CEMIP: variants seen among roughly 807,000 people sequenced by gnomAD.
CEMIP encodes cell migration inducing hyaluronidase 1, also known as cell migration-inducing and hyaluronan-binding protein.
A neutral mutation model predicts 156.9 loss-of-function variants in CEMIP; 105 were observed. That is an observed-to-expected ratio of 0.67 (90% CI 0.57 to 0.79). The LOEUF (loss-of-function observed/expected upper bound fraction) is 0.79, where lower values mean the gene tolerates loss of function less well. CEMIP is among the 30% of genes least tolerant of loss of function. CEMIP has a pLI of 0.00. For missense variants in CEMIP, 1,457 were observed against 1,769.4 expected, an observed-to-expected ratio of 0.82 and a Z score of 3.17; for synonymous variants, 676 against 668.4, an observed-to-expected ratio of 1.01 and a Z score of -0.17.
intron 1 of CEMIP, among the ~76,000 whole-genome samples, chr15:80,794,919 G>C (rs78783653): frequency 0.038 from 5,818 of 152,280 alleles, 381 homozygotes; most frequent in African/African-American, 0.13. Flanking sequence ...TGGGAGCAGG[G>C]AGAGAAAGCC....
Position 80,920,313 on chromosome 15 carries a change from C to G in CEMIP, c.2003+14C>G, listed in dbSNP as rs1212856076. 3 of 1,610,564 alleles carry G rather than the reference C, an allele frequency of 1.9e-6. No homozygotes were observed. Among genetic ancestry groups the G allele is most frequent in the East Asian group, 2.2e-5 (1 of 44,822 alleles). Reference sequence around the variant, plus strand: ...GCAAGACTGCAAGTAAGTGCCTGGACCCCTCTCTGTGTGCTGGGGGGAAGG... The same window carrying G: ...GCAAGACTGCAAGTAAGTGCCTGGAGCCCTCTCTGTGTGCTGGGGGGAAGG... On this transcript the variant is annotated intron_variant, in intron 15 of 29. Coordinates refer to ENST00000394685, the MANE Select transcript of CEMIP (RefSeq NM_001293298.2).
intron 1 of CEMIP, among the ~76,000 whole-genome samples, chr15:80,863,762 G>T (rs1898045020): frequency 6.6e-6 from 1 of 152,192 alleles, no homozygotes; most frequent in Non-Finnish European, 1.5e-5. Context: ...ACTAAGAATA[G>T]ATCTGCTCCC....
chr15:80,950,076 A>C lies in CEMIP; in HGVS notation c.*1152A>C, dbSNP rs2141772171. The C allele has an allele frequency of 6.6e-6, 1 of 152,476 alleles. No individual in the cohort carries two copies. The highest frequency in any genetic ancestry group is 1.9e-4 in the East Asian group (1 of 5,174). 9.4% of individuals were successfully genotyped at this position (152,476 alleles called of 1,614,324 possible). ...ACTCCAAGAGGGTGAAGTCCACAGA[A>C]GTGAGCTCCTGCCTTAGGGCCTCAT... On this transcript the variant is annotated 3_prime_UTR_variant, in exon 30 of 30. Transcript: ENST00000394685.
At chr15:80,938,054 A>G (rs1901201700) in intron 25 of CEMIP, 75 bp downstream of exon 25, 2 of 1,246,804 alleles carry the variant, frequency 1.6e-6, no homozygotes, top group East Asian at 2.5e-5. Flanking sequence ...CAATAAGTCT[A>G]AGAACAGCCA....
intron 12 of CEMIP, chr15:80,897,167 C>T (rs997071656): frequency 4.6e-6 from 2 of 433,566 alleles, no homozygotes; most frequent in Non-Finnish European, 9.4e-6. Flanking sequence ...GTATCACATG[C>T]TACAGGACCA....
intron 14 of CEMIP, among the ~76,000 whole-genome samples, chr15:80,911,992 A>AGCTGGGAGAGGCTGTGACT (rs1900083016): frequency 6.7e-6 from 1 of 148,940 alleles, no homozygotes; most frequent in Non-Finnish European, 1.5e-5. Flanking sequence ...AGGCTGGGAG[A>AGCTGGGAGAGGCTGTGACT]GCTGGGAGAG....
At position 80,928,057 on chromosome 15, in the gene CEMIP, C is replaced by T. The variant is rs189018089; in HGVS notation, c.2421-845C>T. ...GCTTGGATCTATGAAGGATATAAAG[C>T]CACGGAAGTTTTAGGGACCAGAGAG... On this transcript the variant is annotated intron_variant, in intron 19 of 29. Coordinates refer to ENST00000394685, the MANE Select transcript of CEMIP (RefSeq NM_001293298.2). Among the ~76,000 whole-genome samples the T allele has an allele frequency of 3.0e-4, 46 of 152,254 alleles. No homozygotes were observed. The East Asian group carries it at 8.9e-3, about 29-fold the overall frequency.
chr15:80,814,411 G>T (rs567570118), intron 1 of CEMIP, among the ~76,000 whole-genome samples: 2 of 152,220 alleles, frequency 1.3e-5, no homozygotes, highest in South Asian at 4.2e-4. Flanking sequence ...GCTCAGCCTG[G>T]TACCCAGCAG....
chr15:80,900,638 G>GTGTGTCTGTGTGTGTC (rs1899467162), intron 12 of CEMIP, among the ~76,000 whole-genome samples: 2 of 101,926 alleles, frequency 2.0e-5, no homozygotes, highest in Admixed American at 1.1e-4. Flanking sequence ...GTGTGTGTGT[G>GTGTGTCTGTGTGTGTC]TGTGTGTGTG....
intron 1 of CEMIP, among the ~76,000 whole-genome samples, chr15:80,786,522 A>T (rs1432744116): frequency 6.6e-6 from 1 of 150,522 alleles, no homozygotes; most frequent in Non-Finnish European, 1.5e-5. Context: ...CATTGCACCC[A>T]GCCTGCTATG....
chr15:80,808,309 C>T (rs1335285730), intron 1 of CEMIP, among the ~76,000 whole-genome samples: 1 of 152,190 alleles, frequency 6.6e-6, no homozygotes, highest in African/African-American at 2.4e-5. Flanking sequence ...ACTGCTGAGA[C>T]CCTCACAGCT....
chr15:80,844,812 G>T (rs1897514394), intron 1 of CEMIP, among the ~76,000 whole-genome samples: 2 of 152,204 alleles, frequency 1.3e-5, no homozygotes, highest in African/African-American at 4.8e-5. Context: ...CATGGAGCAG[G>T]AGCAGGAGAG....
chr15:80,824,271 G>A (rs1896979172), intron 1 of CEMIP, among the ~76,000 whole-genome samples: 1 of 152,206 alleles, frequency 6.6e-6, no homozygotes, highest in East Asian at 1.9e-4. Context: ...AGGCAGTCCA[G>A]TCCACAGCTG....
At position 80,906,308 on chromosome 15, in the gene CEMIP, C is replaced by T. The variant is rs1899800636; in HGVS notation, c.1412-355C>T. ...GGCACTTATCACTTCTCAAACCTTA[C>T]AGCCACACCTAACTACAGGGAGGCT... On this transcript the variant is annotated intron_variant, in intron 12 of 29. Coordinates refer to ENST00000394685, the MANE Select transcript of CEMIP (RefSeq NM_001293298.2). The surrounding 1 kb of genome is among the most constrained non-coding windows in gnomAD (Gnocchi z 4.3). Among the ~76,000 whole-genome samples, 1 of 152,234 alleles carries T rather than the reference C, an allele frequency of 6.6e-6. No individual in the cohort carries two copies. The highest frequency in any genetic ancestry group is 2.4e-5 in the African/African-American group (1 of 41,460).
rs145968768 is a variant in CEMIP at position 80,854,697 on chromosome 15, A to C, written c.-175-18841A>C. ...AATCCTCTCGAAACCTCAATTAGGCAGAAGATACTTAATAGCCTTATAAGC... is the reference window on the plus strand; with the variant it reads ...AATCCTCTCGAAACCTCAATTAGGCCGAAGATACTTAATAGCCTTATAAGC... On this transcript the variant is annotated intron_variant, in intron 1 of 29. Transcript: ENST00000394685. Among the ~76,000 whole-genome samples, 572 of 152,358 alleles carry C rather than the reference A, an allele frequency of 3.8e-3. 9 individuals are homozygous for C. The highest frequency in any genetic ancestry group is 0.013 in the African/African-American group (560 of 41,586).
chr15:80,792,916 A>G (rs1179040201), intron 1 of CEMIP, among the ~76,000 whole-genome samples: 2 of 152,212 alleles, frequency 1.3e-5, no homozygotes, highest in Admixed American at 6.5e-5. Flanking sequence ...TTGTCCTGAG[A>G]GGAGAGCTAC....
chr15:80,897,723 G>T (rs1899293409), intron 12 of CEMIP, among the ~76,000 whole-genome samples: 1 of 152,120 alleles, frequency 6.6e-6, no homozygotes, highest in Admixed American at 6.5e-5. Context: ...AGTAAATCTG[G>T]CAATGAGGGT....
intron 1 of CEMIP, among the ~76,000 whole-genome samples, chr15:80,866,786 T>TAAA (rs11403997): frequency 7.4e-6 from 1 of 135,958 alleles, no homozygotes; most frequent in Non-Finnish European, 1.6e-5. Flanking sequence ...AACTCTGTCT[T>TAAA]AAAAAAAAAA....
At chr15:80,804,525 AG>A (rs147765507) in intron 1 of CEMIP, among the ~76,000 whole-genome samples, 1,715 of 152,328 alleles carry the variant, frequency 0.011, 30 homozygotes, top group African/African-American at 0.033. Flanking sequence ...CTGAGAAACA[AG>A]AAGCTTGGAC....
Sources: gnomAD v4.1 joint callset for allele counts (sites outside exome capture counted in the v4.1 genomes callset) on GRCh38, gnomAD v4.1.1 for gene constraint, Gnocchi (gnomAD v3.1) non-coding constraint, MANE v1.5 for transcripts, NCBI Gene and HGNC (gene_info 2026-07-23, HGNC 2026-07-21) for gene names.